RBFOX1: variants seen among roughly 807,000 people sequenced by gnomAD.
The protein encoded by RBFOX1 is RNA binding fox-1 homolog 1, also known as RNA binding protein fox-1 homolog 1.
Under a neutral mutation model 57.7 loss-of-function variants are expected in RBFOX1, and 8 were observed. The ratio of observed to expected loss-of-function variants is 0.14; its 90% CI spans 0.08 to 0.25. The LOEUF is 0.25. RBFOX1 is among the 10% of genes least tolerant of loss of function. The probability of loss-of-function intolerance (pLI) is 1.00; values close to 1 mark genes in which losing one functional copy is unlikely to be tolerated. For missense variants in RBFOX1, 611 were observed against 548.5 expected (o/e 1.11, Z -1.14); for synonymous variants, 326 against 222.4 (o/e 1.47, Z -4.15).
At chr16:5,644,416 T>A (rs1020940487) in intron 3 of RBFOX1, among the ~76,000 whole-genome samples, 1 of 151,834 alleles carries the variant, frequency 6.6e-6, no homozygotes, top group African/African-American at 2.4e-5. Context: ...GGAAGGAGAA[T>A]TCTCTAAGTC....
At chr16:7,499,342 G>A (rs1446234016) in intron 4 of RBFOX1, among the ~76,000 whole-genome samples, 1 of 152,070 alleles carries the variant, frequency 6.6e-6, no homozygotes, top group East Asian at 1.9e-4. Flanking sequence ...CAGTCATATG[G>A]ATTCAGAAGC....
intron 3 of RBFOX1, among the ~76,000 whole-genome samples, chr16:6,822,676 C>T (rs955623524): frequency 6.6e-6 from 1 of 152,164 alleles, no homozygotes; most frequent in Non-Finnish European, 1.5e-5. Flanking sequence ...CTTTTACACG[C>T]TATGGTGTGT....
intron 4 of RBFOX1, among the ~76,000 whole-genome samples, chr16:7,280,266 G>A (rs1341425115): frequency 2.6e-5 from 4 of 152,180 alleles, no homozygotes; most frequent in Non-Finnish European, 4.4e-5. Flanking sequence ...GAGGGCTTAG[G>A]TCACTTCCCC....
intron 13 of RBFOX1, among the ~76,000 whole-genome samples, chr16:7,666,518 C>A (rs990697902): frequency 6.6e-6 from 1 of 152,080 alleles, no homozygotes; most frequent in Non-Finnish European, 1.5e-5. Flanking sequence ...TGTGTGGTGT[C>A]TTATGCAGAT....
intron 4 of RBFOX1, among the ~76,000 whole-genome samples, chr16:7,258,926 G>C (rs1371464997): frequency 1.3e-5 from 2 of 152,190 alleles, no homozygotes; most frequent in Non-Finnish European, 2.9e-5. Flanking sequence ...ATAAGGTGAA[G>C]TTTTTAGATG....
chr16:6,038,556 C>CAT lies in RBFOX1; in HGVS notation c.-127+18575_-127+18576dup, dbSNP rs756017254. ...GATATATATATATATATATATCATC[C>CAT]ATATATATATATCATCCATATATAT... On this transcript the variant is annotated intron_variant, in intron 1 of 15. Coordinates refer to ENST00000550418, the MANE Select transcript of RBFOX1 (RefSeq NM_018723.4). The CAT allele has an allele frequency of 2.5e-3, 309 of 121,836 alleles. 3 individuals are homozygous for CAT. The highest frequency in any genetic ancestry group is 8.6e-3 in the Middle Eastern group (2 of 232). 7.5% of individuals were successfully genotyped at this position (121,836 alleles called of 1,614,324 possible). A position where few individuals can be genotyped will look rare whatever the true frequency, so the allele number is the denominator to read the frequency against.
At chr16:7,393,766 G>A (rs62015662) in intron 4 of RBFOX1, among the ~76,000 whole-genome samples, 191 of 152,220 alleles carry the variant, frequency 1.3e-3, no homozygotes, top group Non-Finnish European at 2.2e-3. Context: ...GGTGGTAGCC[G>A]CCTTACCCCT....
chr16:6,232,751 A>G (rs557754738), intron 1 of RBFOX1, among the ~76,000 whole-genome samples: 17 of 152,166 alleles, frequency 1.1e-4, no homozygotes, highest in Admixed American at 9.2e-4. Flanking sequence ...AAAACAGTTC[A>G]TTAATGCAGT....
At chr16:6,544,729 C>T (rs529864344) in intron 2 of RBFOX1, among the ~76,000 whole-genome samples, 1 of 152,134 alleles carries the variant, frequency 6.6e-6, no homozygotes, top group Admixed American at 6.5e-5. Context: ...ACCTCAGTTT[C>T]CTTGTTTGTC....
At chr16:6,637,784 G>C (rs1193365724) in intron 2 of RBFOX1, among the ~76,000 whole-genome samples, 2 of 151,752 alleles carry the variant, frequency 1.3e-5, no homozygotes, top group African/African-American at 2.4e-5. Context: ...GCGTTATTTA[G>C]CAGGAGGGCA....
At chr16:5,811,074 C>A (rs1174837328) in intron 3 of RBFOX1, among the ~76,000 whole-genome samples, 4 of 151,152 alleles carry the variant, frequency 2.6e-5, no homozygotes, top group Non-Finnish European at 5.9e-5. Flanking sequence ...AACCACTGAT[C>A]TGCTTTCTAA....
chr16:5,340,078 G>A (rs972204341), intron 1 of RBFOX1, among the ~76,000 whole-genome samples: 1 of 152,198 alleles, frequency 6.6e-6, no homozygotes, highest in Non-Finnish European at 1.5e-5. Flanking sequence ...ACCATAAGTA[G>A]TCTTAGCTTT....
intron 2 of RBFOX1, among the ~76,000 whole-genome samples, chr16:6,593,372 A>G (rs1378081008): frequency 1.3e-5 from 2 of 152,198 alleles, no homozygotes; most frequent in Non-Finnish European, 2.9e-5. Flanking sequence ...GCGGAATCAC[A>G]GAGAAAAAAT....
intron 3 of RBFOX1, among the ~76,000 whole-genome samples, chr16:6,702,649 C>T (rs1236712009): frequency 3.3e-5 from 5 of 152,294 alleles, no homozygotes; most frequent in Admixed American, 2.6e-4. Context: ...CTAAGATACC[C>T]AGCCCAGTGA....
intron 4 of RBFOX1, among the ~76,000 whole-genome samples, chr16:7,319,768 G>A (rs149108832): frequency 6.6e-6 from 1 of 152,200 alleles, no homozygotes; most frequent in African/African-American, 2.4e-5. Flanking sequence ...ATTTGGGATC[G>A]GGCAGGTGTG....
intron 1 of RBFOX1, among the ~76,000 whole-genome samples, chr16:6,278,306 C>G (rs906858681): frequency 7.6e-6 from 1 of 131,584 alleles, no homozygotes; most frequent in Non-Finnish European, 1.6e-5. Flanking sequence ...AAGAATGATT[C>G]CTTGCCCTGC....
chr16:7,512,681 T>A (rs1392002790), intron 4 of RBFOX1, among the ~76,000 whole-genome samples: 2 of 152,190 alleles, frequency 1.3e-5, no homozygotes, highest in Non-Finnish European at 2.9e-5. Context: ...CAACTCATGG[T>A]AGAGGTGGGT....
At chr16:5,284,808 C>T (rs1255707044) in intron 1 of RBFOX1, among the ~76,000 whole-genome samples, 1 of 125,378 alleles carries the variant, frequency 8.0e-6, no homozygotes, top group East Asian at 2.7e-4. Flanking sequence ...ACCCTTTTCT[C>T]ATAGCCTGTC....
intron 2 of RBFOX1, among the ~76,000 whole-genome samples, chr16:6,576,466 C>T (rs997846893): frequency 1.3e-5 from 2 of 152,152 alleles, no homozygotes; most frequent in African/African-American, 2.4e-5. Flanking sequence ...TAATATTATT[C>T]GAAGACCTGC....
Sources: gnomAD v4.1 joint callset for allele counts (sites outside exome capture counted in the v4.1 genomes callset) on GRCh38, gnomAD v4.1.1 for gene constraint, MANE v1.5 for transcripts, NCBI Gene and HGNC (gene_info 2026-07-23, HGNC 2026-07-21) for gene names.